Variants in SNTG1 observed in about 807,000 individuals in gnomAD.
The protein encoded by SNTG1 is gamma-1-syntrophin.
Under a neutral mutation model 74.7 loss-of-function variants are expected in SNTG1, and 39 were observed. The ratio of observed to expected loss-of-function variants is 0.52; its 90% confidence interval spans 0.40 to 0.68. The LOEUF is 0.68. SNTG1 is among the 30% of genes least tolerant of loss of function. SNTG1 has a pLI of 0.00. For synonymous variants in SNTG1, 254 were observed against 217.1 expected (o/e 1.17, Z -1.49); for missense variants, 685 against 609.5 (o/e 1.12, Z -1.30).
chr8:50,179,127 G>T (rs967293616), intron 2 of SNTG1, among the ~76,000 whole-genome samples: 86 of 152,174 alleles, frequency 5.7e-4, no homozygotes, highest in African/African-American at 1.9e-3. Context: ...GTATGCTTGG[G>T]TTGATTTTTG....
chr8:50,243,523 AT>A (rs2086257069), intron 2 of SNTG1, among the ~76,000 whole-genome samples: 1 of 152,138 alleles, frequency 6.6e-6, no homozygotes, highest in Non-Finnish European at 1.5e-5. Flanking sequence ...TGTTTGCTGC[AT>A]CAAGCAATTC....
intron 9 of SNTG1, among the ~76,000 whole-genome samples, chr8:50,528,183 G>T (rs968952667): frequency 2.0e-5 from 3 of 151,744 alleles, no homozygotes; most frequent in African/African-American, 7.3e-5. Flanking sequence ...TTTTAACAAC[G>T]TGTTAAGGGT....
At chr8:50,528,801 CTAA>C (rs1297417168) in intron 9 of SNTG1, among the ~76,000 whole-genome samples, 4 of 151,048 alleles carry the variant, frequency 2.6e-5, no homozygotes, top group Non-Finnish European at 5.9e-5. Flanking sequence ...TCTCTTTTTT[CTAA>C]ATTTTTTTTT....
Position 50,376,756 on chromosome 8 carries a change from T to TAGAGAGAGAGAG in SNTG1, c.-27-17438_-27-17427dup, listed in dbSNP as rs58103614. Among the ~76,000 whole-genome samples, 362 of 89,912 alleles carry TAGAGAGAGAGAG rather than the reference T, an allele frequency of 4.0e-3. 3 individuals carry two copies. Among genetic ancestry groups the TAGAGAGAGAGAG allele is most frequent in the Non-Finnish European group, 6.8e-3 (305 of 44,608 alleles). 59.0% of individuals were successfully genotyped at this position (89,912 alleles called of 152,430 possible). ...ATATATATATATATATATATATATA[T>TAGAGAGAGAGAG]AGAGAGAGAGAGAGAGAGAGAGAGA... On this transcript the variant is annotated intron_variant, in intron 2 of 18. Coordinates refer to ENST00000642720, the MANE Select transcript of SNTG1 (RefSeq NM_018967.5).
intron 1 of SNTG1, among the ~76,000 whole-genome samples, chr8:50,054,247 C>A (rs1192463935): frequency 6.6e-6 from 1 of 152,056 alleles, no homozygotes; most frequent in South Asian, 2.1e-4. Flanking sequence ...CCCTTCTCAG[C>A]AAATGATGTC....
intron 2 of SNTG1, among the ~76,000 whole-genome samples, chr8:50,254,768 C>T (rs528281911): frequency 9.9e-5 from 15 of 151,818 alleles, no homozygotes; most frequent in Non-Finnish European, 1.6e-4. Context: ...ATCACTTGAA[C>T]CTGGGAGGTG....
At chr8:50,038,823 C>T (rs1028048562) in intron 1 of SNTG1, among the ~76,000 whole-genome samples, 2 of 152,168 alleles carry the variant, frequency 1.3e-5, no homozygotes, top group Non-Finnish European at 2.9e-5. Context: ...CATACCAGGA[C>T]TCTATGGACT....
rs551147454 is a variant in SNTG1 at position 50,525,701 on chromosome 8, G to T, written c.467-4476G>T. Among the ~76,000 whole-genome samples, 7 of 151,822 alleles carry T rather than the reference G, an allele frequency of 4.6e-5. No homozygotes were observed. In the South Asian group the frequency reaches 1.5e-3, roughly 32 times the overall value. On this transcript the variant is annotated intron_variant, in intron 9 of 18. Transcript: ENST00000642720. ...CTTCATCTTCAGAATTTCTGTGTGG[G>T]TTTCTTGTCTTTTCTATATTTTTGA... is the stretch of plus-strand genomic sequence containing the variant.
chr8:50,551,837 C>T (rs964216996), intron 11 of SNTG1, among the ~76,000 whole-genome samples: 1 of 152,064 alleles, frequency 6.6e-6, no homozygotes, highest in African/African-American at 2.4e-5. Flanking sequence ...ATATGAGAAC[C>T]AGTTTCTCTA....
intron 15 of SNTG1, among the ~76,000 whole-genome samples, chr8:50,671,107 C>G (rs1412159887): frequency 6.6e-6 from 1 of 151,794 alleles, no homozygotes; most frequent in East Asian, 1.9e-4. Context: ...AAAACCTAGG[C>G]ATTACCATTC....
At chr8:50,086,733 G>A (rs1339258350) in intron 1 of SNTG1, among the ~76,000 whole-genome samples, 1 of 152,074 alleles carries the variant, frequency 6.6e-6, no homozygotes, top group Non-Finnish European at 1.5e-5. Flanking sequence ...TTTGCAAGAG[G>A]TGGTTGAAAA....
rs201186742 is a variant in SNTG1 at position 50,317,480 on chromosome 8, C to A, written c.-27-76732C>A. ...GAAGACTCTAAGTGGAAAAGTAATG[C>A]ACATGCCTATCCTTAAAGATAATCC... On this transcript the variant is annotated intron_variant, in intron 2 of 18. Transcript: ENST00000642720. Among the ~76,000 whole-genome samples, 36 of 152,272 alleles carry A rather than the reference C, an allele frequency of 2.4e-4. No homozygotes were observed. The East Asian group carries it at 6.0e-3, about 25-fold the overall frequency.
chr8:50,793,022 C>T lies in SNTG1; in HGVS notation c.*193C>T. On this transcript the variant is annotated 3_prime_UTR_variant, in exon 19 of 19. Coordinates refer to ENST00000642720, the MANE Select transcript of SNTG1 (RefSeq NM_018967.5). ...TGGATGACATCTGTGAAATATACTA[C>T]ATGAACAGAACAGCTTGTTCTCACT... The T allele has an allele frequency of 2.1e-6, 1 of 471,278 alleles. No homozygotes were observed. The allele number at this position is 471,278 out of a possible 1,614,324, so 29.2% of individuals were successfully genotyped here. A position where few individuals can be genotyped will look rare whatever the true frequency, so the allele number is the denominator to read the frequency against.
intron 1 of SNTG1, among the ~76,000 whole-genome samples, chr8:50,123,146 T>C (rs2081048859): frequency 7.0e-6 from 1 of 142,610 alleles, no homozygotes; most frequent in Admixed American, 7.2e-5. Flanking sequence ...TGCAAAGTCC[T>C]AAGACTCACT....
chr8:50,340,392 CAGAAT>C (rs1286146176), intron 2 of SNTG1, among the ~76,000 whole-genome samples: 4 of 151,858 alleles, frequency 2.6e-5, no homozygotes, highest in African/African-American at 9.7e-5. Context: ...ATCAAGATAA[CAGAAT>C]AGAGAAGTCA....
intron 1 of SNTG1, among the ~76,000 whole-genome samples, chr8:49,931,402 A>T (rs574736201): frequency 1.3e-5 from 2 of 152,184 alleles, no homozygotes; most frequent in African/African-American, 2.4e-5. Context: ...ACTGTAGACT[A>T]CTAGAGGGAA....
chr8:50,199,925 T>G (rs993316388), intron 2 of SNTG1, among the ~76,000 whole-genome samples: 11 of 152,166 alleles, frequency 7.2e-5, no homozygotes, highest in African/African-American at 2.4e-4. Flanking sequence ...TGGGTGTGGA[T>G]TTTAGCAAGC....
At chr8:50,271,957 G>A (rs1370441857) in intron 2 of SNTG1, among the ~76,000 whole-genome samples, 4 of 152,054 alleles carry the variant, frequency 2.6e-5, no homozygotes, top group Non-Finnish European at 5.9e-5. Context: ...GAGACCCCAG[G>A]GAGCTCTTTT....
intron 1 of SNTG1, among the ~76,000 whole-genome samples, chr8:50,027,008 T>C (rs915907598): frequency 6.6e-6 from 1 of 152,072 alleles, no homozygotes; most frequent in Non-Finnish European, 1.5e-5. Context: ...ATTTGCAGGA[T>C]TGCTATGTCC....
Sources: gnomAD v4.1 joint callset for allele counts (sites outside exome capture counted in the v4.1 genomes callset) on GRCh38, gnomAD v4.1.1 for gene constraint, MANE v1.5 for transcripts, NCBI Gene and HGNC (gene_info 2026-07-23, HGNC 2026-07-21) for gene names.